LRP6: variants seen among roughly 807,000 people sequenced by gnomAD.
LRP6 encodes LDL receptor related protein 6.
In LRP6, 43 loss-of-function variants were observed where a neutral mutation model predicts 184.1. The observed-to-expected ratio is 0.23, with a 90% CI of 0.18 to 0.30. LRP6 has a LOEUF of 0.30. Among genes scored for constraint, LRP6 ranks in the 10% least tolerant of loss-of-function variants. The probability of loss-of-function intolerance (pLI) is 1.00; values close to 1 mark genes in which losing one functional copy is unlikely to be tolerated. For missense variants in LRP6, 1,571 were observed against 2,005.3 expected, an observed-to-expected ratio of 0.78 and a Z score of 4.14; for synonymous variants, 719 against 684.9, an observed-to-expected ratio of 1.05 and a Z score of -0.78.
At chr12:12,264,742 C>T (rs1865713990) in intron 1 of LRP6, among the ~76,000 whole-genome samples, 1 of 151,958 alleles carries the variant, frequency 6.6e-6, no homozygotes, top group Non-Finnish European at 1.5e-5. Context: ...TATTTTACAT[C>T]AAAAGACAGT....
chr12:12,210,303 G>A (rs1864174389), intron 2 of LRP6, among the ~76,000 whole-genome samples: 1 of 152,172 alleles, frequency 6.6e-6, no homozygotes, highest in African/African-American at 2.4e-5. Context: ...TGGCTCCCAA[G>A]ATTTACAAAT....
intron 17 of LRP6, among the ~76,000 whole-genome samples, chr12:12,133,528 A>G (rs1485341979): frequency 2.0e-5 from 3 of 152,128 alleles, no homozygotes; most frequent in Non-Finnish European, 4.4e-5. Context: ...GCTGAACAAT[A>G]CAGCCGGCAG....
At chr12:12,216,400 C>CA (rs1864344757) in intron 2 of LRP6, among the ~76,000 whole-genome samples, 1 of 151,824 alleles carries the variant, frequency 6.6e-6, no homozygotes, top group African/African-American at 2.4e-5. Context: ...ACTTTTTATT[C>CA]AGCTGAAAAA....
In LRP6 at chr12:12,155,170, T is replaced by G. The variant is rs879093240; in HGVS notation, c.2791+3659A>C. ...AAGATCACGCCACTTTACTCCAGCC[T>G]GGGTGACAGTGTGAGACTCTGTCTC... On this transcript the variant is annotated intron_variant, in intron 12 of 22. Coordinates refer to ENST00000261349, the MANE Select transcript of LRP6 (RefSeq NM_002336.3). The G allele has an allele frequency of 7.4e-5, 38 of 512,676 alleles. 1 individual carries two copies. Among genetic ancestry groups the G allele is most frequent in the South Asian group, 6.5e-4 (35 of 54,054 alleles). The allele number at this position is 512,676 out of a possible 1,614,324, so 31.8% of individuals were successfully genotyped here.
At chr12:12,231,581 AATG>A (rs1864789462) in intron 2 of LRP6, among the ~76,000 whole-genome samples, 1 of 152,096 alleles carries the variant, frequency 6.6e-6, no homozygotes, top group African/African-American at 2.4e-5. Context: ...TGAATAAGGC[AATG>A]ATAACATTTG....
rs550587604 is a variant in LRP6, at chr12:12,119,990, A to AATATATATATATATATATATAT, written c.*1114_*1135dup. 1 of 45,520 alleles carries AATATATATATATATATATATAT rather than the reference A, an allele frequency of 2.2e-5. No homozygotes were observed. The highest frequency in any genetic ancestry group is 9.5e-5 in the African/African-American group (1 of 10,566). 2.8% of individuals were successfully genotyped at this position (45,520 alleles called of 1,614,324 possible). A position where few individuals can be genotyped will look rare whatever the true frequency, so the allele number is the denominator to read the frequency against. On this transcript the variant is annotated 3_prime_UTR_variant, in exon 23 of 23. Coordinates refer to ENST00000261349, the MANE Select transcript of LRP6 (RefSeq NM_002336.3). ...ACTCAGAAAACAAACAAACAAACAA[A>AATATATATATATATATATATAT]ATATATATATATATATATATATATA...
intron 2 of LRP6, among the ~76,000 whole-genome samples, chr12:12,222,428 C>T (rs1337355526): frequency 2.6e-5 from 4 of 151,646 alleles, no homozygotes; most frequent in Admixed American, 1.3e-4. Flanking sequence ...ATTAGCCGGT[C>T]GTCGTGGTGG....
intron 2 of LRP6, among the ~76,000 whole-genome samples, chr12:12,227,794 T>C (rs986774366): frequency 1.3e-5 from 2 of 152,100 alleles, no homozygotes; most frequent in African/African-American, 4.8e-5. Context: ...AGCTTATATA[T>C]AAGTGAAATG....
At position 12,134,698 on chromosome 12, in the gene LRP6, A is replaced by T. The variant is rs1280292841; in HGVS notation, c.3733+477T>A. Among the ~76,000 whole-genome samples the T allele has an allele frequency of 2.6e-5, 4 of 152,322 alleles. No individual in the cohort carries two copies. In the East Asian group the frequency reaches 5.8e-4, roughly 22 times the overall value. On this transcript the variant is annotated intron_variant, in intron 17 of 22. Transcript: ENST00000261349. ...ACTTAGAGAATCTACAATTTAGTGG[A>T]GAGAGATTACAGGAGGTAGAATTAA...
intron 15 of LRP6, among the ~76,000 whole-genome samples, chr12:12,139,505 C>T (rs574251940): frequency 6.6e-6 from 1 of 152,160 alleles, no homozygotes; most frequent in Non-Finnish European, 1.5e-5. Flanking sequence ...AGGAGGATCA[C>T]GTGAGCCTAG....
chr12:12,142,762 T>C (rs1022170339), intron 15 of LRP6, among the ~76,000 whole-genome samples: 1 of 152,042 alleles, frequency 6.6e-6, no homozygotes, highest in African/African-American at 2.4e-5. Flanking sequence ...AAGAATAATA[T>C]ATCATGCTAG....
intron 16 of LRP6, among the ~76,000 whole-genome samples, chr12:12,136,724 T>C (rs1174128241): frequency 2.0e-5 from 3 of 152,346 alleles, no homozygotes; most frequent in Middle Eastern, 6.8e-3. Context: ...ATGAGCATAC[T>C]GTCCAAAACA....
intron 7 of LRP6, among the ~76,000 whole-genome samples, chr12:12,173,494 C>T (rs1264839358): frequency 6.6e-6 from 1 of 152,030 alleles, no homozygotes; most frequent in Non-Finnish European, 1.5e-5. Context: ...AGTTGCACAC[C>T]ACAATGCCTA....
At chr12:12,206,542 CAAAAA>C (rs60179716) in intron 2 of LRP6, among the ~76,000 whole-genome samples, 9 of 116,850 alleles carry the variant, frequency 7.7e-5, no homozygotes, top group East Asian at 2.5e-4. Context: ...GACTCCATCT[CAAAAA>C]AAAAAAAAAA....
chr12:12,132,124 A>C (rs1025888379), intron 17 of LRP6, 67 bp from the exon 18 acceptor site: 6 of 944,568 alleles, frequency 6.4e-6, no homozygotes, highest in African/African-American at 1.6e-5. Flanking sequence ...GTACAAACAC[A>C]TACCTGAGTG....
At chr12:12,236,415 A>G (rs1864934331) in intron 2 of LRP6, among the ~76,000 whole-genome samples, 1 of 152,126 alleles carries the variant, frequency 6.6e-6, no homozygotes, top group Non-Finnish European at 1.5e-5. Flanking sequence ...TATCAGAAAA[A>G]CACATTTCCT....
rs541718261 is a variant in LRP6 at position 12,125,487 on chromosome 12, C to G, written c.4313-55G>C. On this transcript the variant is annotated intron_variant, in intron 20 of 22. Coordinates refer to ENST00000261349, the MANE Select transcript of LRP6 (RefSeq NM_002336.3). ...ATGAGTATGATATATAAAAATGTAT[C>G]AAGCAATTTCATTCAACAGTAGGAT... The G allele has an allele frequency of 2.0e-5, 30 of 1,485,074 alleles. No individual in the cohort carries two copies. In the South Asian group the frequency reaches 3.1e-4, roughly 16 times the overall value. The allele number at this position is 1,485,074 out of a possible 1,614,324, so 92.0% of individuals were successfully genotyped here. A position where few individuals can be genotyped will look rare whatever the true frequency, so the allele number is the denominator to read the frequency against.
At chr12:12,155,298 T>C (rs1565572251) in intron 12 of LRP6, 2 of 754,414 alleles carry the variant, frequency 2.7e-6, no homozygotes, top group East Asian at 2.5e-5. Flanking sequence ...AGGCACCCGA[T>C]ACGTGTTCTC....
intron 2 of LRP6, among the ~76,000 whole-genome samples, chr12:12,230,518 T>G (rs916785854): frequency 1.3e-5 from 2 of 152,138 alleles, no homozygotes; most frequent in Non-Finnish European, 2.9e-5. Context: ...AAAAACTAAG[T>G]GACCCAGATC....
Sources: gnomAD v4.1 joint callset for allele counts (sites outside exome capture counted in the v4.1 genomes callset) on GRCh38, gnomAD v4.1.1 for gene constraint, MANE v1.5 for transcripts, NCBI Gene and HGNC (gene_info 2026-07-23, HGNC 2026-07-21) for gene names.